The following MTOR variants were observed in gnomAD, a reference collection of about 807,000 sequenced individuals.
The protein encoded by MTOR is mechanistic target of rapamycin kinase.
In MTOR, 70 loss-of-function variants were observed where a neutral mutation model predicts 319.8. That is an observed-to-expected ratio of 0.22 (90% CI 0.18 to 0.27). The LOEUF (loss-of-function observed/expected upper bound fraction) is 0.27, where lower values mean the gene tolerates loss of function less well. Ranked by LOEUF, MTOR falls within the 10% of genes least tolerant of loss-of-function variation. MTOR has a pLI of 1.00. For missense variants in MTOR, 1,890 were observed against 3,274.4 expected, an observed-to-expected ratio of 0.58 and a Z score of 10.32; for synonymous variants, 1,183 against 1,211.4, an observed-to-expected ratio of 0.98 and a Z score of 0.49.
In MTOR at chr1:11,129,698, A is replaced by C. The variant is rs750638005; in HGVS notation, c.5714+40T>G. The C allele has an allele frequency of 2.6e-6, 4 of 1,567,108 alleles. No individual in the cohort carries two copies. The highest frequency in any genetic ancestry group is 3.5e-6 in the Non-Finnish European group (4 of 1,139,058). ...GTGTGACTTCTAGGTCTTGCCATTA[A>C]CATGGCCTACCAGAGTTGCATCCTT... On this transcript the variant is annotated intron_variant, in intron 40 of 57. Transcript: ENST00000361445. The surrounding 1 kb of genome is among the most constrained non-coding windows in gnomAD (Gnocchi z 4.7).
At chr1:11,189,965 C>T (rs745873197) in intron 28 of MTOR, 1 of 1,597,932 alleles carries the variant, frequency 6.3e-7, no homozygotes, top group Non-Finnish European at 8.5e-7. Context: ...GGTAAGGAGA[C>T]CAGTCCCCTG....
At chr1:11,110,558 G>C (rs1172555876) in intron 54 of MTOR, among the ~76,000 whole-genome samples, 1 of 151,966 alleles carries the variant, frequency 6.6e-6, no homozygotes. Flanking sequence ...TACCATGCCT[G>C]GCTTATTTTG....
chr1:11,255,102 T>G (rs1308306032), intron 5 of MTOR, among the ~76,000 whole-genome samples: 5 of 152,016 alleles, frequency 3.3e-5, no homozygotes, highest in Non-Finnish European at 7.4e-5. Context: ...GGTACAAAGT[T>G]GGCCGGGCAC....
rs1239614044 is a variant in MTOR at position 11,243,306 on chromosome 1, C to T, written c.1226-6G>A. On this transcript the variant is annotated splice_region_variant and splice_polypyrimidine_tract_variant and intron_variant, in intron 8 of 57. Transcript: ENST00000361445. ...ATCTTGGAGATACTGGGTATCTGAG[C>T]ACAGAAAAGACAAAGTAGATAGCTC... The T allele has an allele frequency of 6.2e-7, 1 of 1,612,960 alleles. No homozygotes were observed. The highest frequency in any genetic ancestry group is 8.5e-7 in the Non-Finnish European group (1 of 1,179,458).
intron 29 of MTOR, among the ~76,000 whole-genome samples, chr1:11,158,121 C>G (rs1016253753): frequency 6.6e-6 from 1 of 152,198 alleles, no homozygotes; most frequent in African/African-American, 2.4e-5. Context: ...TATATGCTTT[C>G]TGTCTGCCCT....
Position 11,247,855 on chromosome 1 carries a change from C to T in MTOR, c.1080G>A (p.Arg360=), listed in dbSNP as rs866865608. Residue 360 remains arginine, a synonymous_variant, in exon 7 of 58, where the codon CGG becomes CGA. Coordinates refer to ENST00000361445, the MANE Select transcript of MTOR (RefSeq NM_004958.4). The part of the protein sequence containing the change: ...SPAKSTLVES[R]CCRDLMEEKF... The stretch of plus-strand genomic sequence containing the variant: ...TCTCCTCCATCAAGTCTCTGCAACA[C>T]CGGCTCTCCACCAGGGTGGACTTAG... 1.2e-6 allele frequency: 2 copies of T among 1,614,024 alleles called. No individual in the cohort carries two copies. The highest frequency in any genetic ancestry group is 1.7e-6 in the Non-Finnish European group (2 of 1,179,896).
chr1:11,111,983 A>AAAC (rs1641909928), intron 54 of MTOR, among the ~76,000 whole-genome samples: 1 of 109,744 alleles, frequency 9.1e-6, no homozygotes, highest in African/African-American at 3.3e-5. Context: ...AACAAACAAA[A>AAAC]AAACCCCCCA....
intron 26 of MTOR, among the ~76,000 whole-genome samples, chr1:11,203,186 C>G (rs1385262578): frequency 6.6e-6 from 1 of 152,032 alleles, no homozygotes; most frequent in Non-Finnish European, 1.5e-5. Flanking sequence ...GCACTCCAGC[C>G]TGGGTGACAG....
chr1:11,157,122 C>T (rs761080130), intron 30 of MTOR, 30 bp downstream of exon 30: 3 of 1,562,650 alleles, frequency 1.9e-6, no homozygotes, highest in African/African-American at 1.4e-5. Context: ...TCTCTTGCAG[C>T]CACACATGCC....
intron 29 of MTOR, among the ~76,000 whole-genome samples, chr1:11,165,250 C>T (rs1644605608): frequency 6.6e-6 from 1 of 151,416 alleles, no homozygotes; most frequent in Non-Finnish European, 1.5e-5. Context: ...CTGGCCAGGA[C>T]AATCAGGCAG....
At chr1:11,111,952 T>C (rs1641905650) in intron 54 of MTOR, among the ~76,000 whole-genome samples, 1 of 97,066 alleles carries the variant, frequency 1.0e-5, no homozygotes, top group South Asian at 3.7e-4. Context: ...TTAAACAATT[T>C]TACTCAAAAA....
chr1:11,150,236 A>G lies in MTOR; in HGVS notation c.4470-10T>C, dbSNP rs1272021290. ...CTGGTGGAGTTGACCCCTGAAGAAA[A>G]TGAATTATATAGTCAGATTAATCCA... On this transcript the variant is annotated splice_polypyrimidine_tract_variant and intron_variant, in intron 30 of 57. Coordinates refer to ENST00000361445, the MANE Select transcript of MTOR (RefSeq NM_004958.4). 3.7e-6 allele frequency: 6 copies of G among 1,608,864 alleles called. No homozygotes were observed. In the South Asian group the frequency reaches 6.6e-5, roughly 18 times the overall value.
intron 28 of MTOR, chr1:11,192,407 C>T (rs1233017800): frequency 1.3e-6 from 2 of 1,505,744 alleles, no homozygotes; most frequent in African/African-American, 2.8e-5. Context: ...GCCCTAATAC[C>T]TGTCCTTCAC....
At chr1:11,219,973 C>T (rs1308482128) in intron 19 of MTOR, among the ~76,000 whole-genome samples, 1 of 138,114 alleles carries the variant, frequency 7.2e-6, no homozygotes, top group Non-Finnish European at 1.5e-5. Context: ...GTGGAGGTTG[C>T]AGTTAACCGA....
chr1:11,111,848 C>T (rs1323604729), intron 54 of MTOR: 1 of 151,902 alleles, frequency 6.6e-6, no homozygotes, highest in Admixed American at 6.6e-5. Context: ...ACAGTAATTC[C>T]CAAAGTATGA....
chr1:11,224,137 C>T (rs1646755215), intron 19 of MTOR, among the ~76,000 whole-genome samples: 1 of 151,890 alleles, frequency 6.6e-6, no homozygotes, highest in East Asian at 1.9e-4. Context: ...CTAGAATGCA[C>T]TGGTTAAAAG....
chr1:11,126,871 T>C, intron 45 of MTOR, 75 bp from the exon 46 acceptor site: 1 of 1,581,078 alleles, frequency 6.3e-7, no homozygotes. Flanking sequence ...TATTTTTCAG[T>C]GGATTGCTAA....
intron 13 of MTOR, among the ~76,000 whole-genome samples, chr1:11,237,627 T>C (rs971264158): frequency 6.6e-6 from 1 of 152,004 alleles, no homozygotes; most frequent in African/African-American, 2.4e-5. Flanking sequence ...TGAACCACCT[T>C]AGAGTCATAT....
At position 11,230,964 on chromosome 1, in the gene MTOR, C is replaced by T; in HGVS notation, c.2740G>A (p.Ala914Thr). The T allele has an allele frequency of 6.2e-7, 1 of 1,614,102 alleles. No homozygotes were observed. The highest frequency in any genetic ancestry group is 8.5e-7 in the Non-Finnish European group (1 of 1,180,020). ...GACTTGGATTCTGACAGGCTGACAG[C>T]AGAGGCATCCCGGGACTGGTCTATC... ...GMIDQSRDAS[A>T]VSLSESKSSQ... The change falls in exon 18 of 58, where the codon GCT becomes ACT. Residue 914 changes from alanine (A) to threonine (T), a missense_variant. Transcript: ENST00000361445.
Sources: allele counts gnomAD v4.1 joint callset (sites outside exome capture counted in the v4.1 genomes callset), GRCh38; gene constraint gnomAD v4.1.1; non-coding constraint Gnocchi (gnomAD v3.1); transcripts MANE v1.5; gene names NCBI Gene and HGNC (gene_info 2026-07-23, HGNC 2026-07-21).